PLA1A: variants seen among roughly 807,000 people sequenced by gnomAD.
PLA1A encodes phosphatidylserine-specific phospholipase A1alpha.
Under a neutral mutation model 49.4 loss-of-function variants are expected in PLA1A, and 47 were observed. That is an observed-to-expected ratio of 0.95 (90% CI 0.75 to 1.21). The LOEUF (loss-of-function observed/expected upper bound fraction) is 1.21, where lower values mean the gene tolerates loss of function less well. PLA1A is among the 50% of genes most tolerant of loss of function. The pLI is 0.00. For synonymous variants in PLA1A, 224 were observed against 207.9 expected (o/e 1.08, Z -0.67); for missense variants, 561 against 563.9 (o/e 0.99, Z 0.05).
At chr3:119,621,532 C>A (rs2082930365) in intron 8 of PLA1A, among the ~76,000 whole-genome samples, 2 of 152,258 alleles carry the variant, frequency 1.3e-5, no homozygotes, top group Non-Finnish European at 2.9e-5. Flanking sequence ...GCTTTGACTT[C>A]AGCAATGTTG....
intron 5 of PLA1A, among the ~76,000 whole-genome samples, chr3:119,614,324 T>C (rs1253582614): frequency 4.0e-5 from 6 of 151,732 alleles, no homozygotes; most frequent in Admixed American, 3.9e-4. Flanking sequence ...TGAATCCTGG[T>C]CGGGCGTGGT....
rs1307891387 is a variant in PLA1A at position 119,606,865 on chromosome 3, CTT to C, written c.167_168del (p.Phe56CysfsTer6). The stretch of plus-strand genomic sequence containing the variant: ...CCGATCTCAAAGTCCAGTTTCTCCT[CTT>C]TGTCCCTTCGAATCCTAGCTGTGGG... ...GTDLKVQFLL[F>X]VPSNPSCGQL... On this transcript the variant is annotated frameshift_variant, in exon 2 of 11. Coordinates refer to ENST00000273371, the MANE Select transcript of PLA1A (RefSeq NM_015900.4). LOFTEE classifies it high-confidence loss of function. 3 of 1,614,064 alleles carry C rather than the reference CTT, an allele frequency of 1.9e-6. No homozygotes were observed. The African/African-American group carries it at 4.0e-5, about 22-fold the overall frequency.
chr3:119,619,533 A>C, intron 7 of PLA1A, 30 bp from the exon 8 acceptor site: 1 of 1,499,462 alleles, frequency 6.7e-7, no homozygotes, highest in East Asian at 2.3e-5. Context: ...CCTTCTCAGG[A>C]CTCTGCTGTC....
chr3:119,629,698 A>T lies in PLA1A; in HGVS notation c.*230A>T. ...TGTACATACCCATTTTAGCTTTCCC[A>T]TGCATACTTAACTGCACTTGCTTTA... On this transcript the variant is annotated 3_prime_UTR_variant, in exon 11 of 11. Transcript: ENST00000273371. 4.0e-6 allele frequency: 2 copies of T among 496,646 alleles called. No individual in the cohort carries two copies. The highest frequency in any genetic ancestry group is 5.0e-4 in the Middle Eastern group (1 of 1,982). 30.8% of individuals were successfully genotyped at this position (496,646 alleles called of 1,614,324 possible). A position where few individuals can be genotyped will look rare whatever the true frequency, so the allele number is the denominator to read the frequency against.
intron 9 of PLA1A, among the ~76,000 whole-genome samples, chr3:119,626,734 C>T (rs1348543695): frequency 6.6e-6 from 1 of 152,164 alleles, no homozygotes; most frequent in African/African-American, 2.4e-5. Flanking sequence ...GAGTGCATTT[C>T]ACTCCCAAAA....
rs59447645 is a variant in PLA1A, at chr3:119,622,149, G to GGAAGAAGAA, written c.1012+2550_1012+2558dup. The stretch of plus-strand genomic sequence containing the variant: ...AAGAAGAGGAAGAGGAGGAGGAGGA[G>GGAAGAAGAA]GAAGAAGAAGAAGAAGAAGAAGAAG... On this transcript the variant is annotated intron_variant, in intron 8 of 10. Transcript: ENST00000273371. 8.4e-3 allele frequency among the ~76,000 whole-genome samples: 1,060 copies of GGAAGAAGAA among 126,230 alleles called. 7 individuals are homozygous for GGAAGAAGAA. Among genetic ancestry groups the GGAAGAAGAA allele is most frequent in the Non-Finnish European group, 9.8e-3 (625 of 63,850 alleles). 82.8% of individuals were successfully genotyped at this position (126,230 alleles called of 152,430 possible).
chr3:119,625,910 T>C (rs1054456956), intron 9 of PLA1A, among the ~76,000 whole-genome samples: 1 of 152,108 alleles, frequency 6.6e-6, no homozygotes, highest in African/African-American at 2.4e-5. Context: ...TGGTGCATGC[T>C]TCTTTAAAAA....
intron 4 of PLA1A, among the ~76,000 whole-genome samples, chr3:119,609,985 C>G (rs142107045): frequency 1.2e-3 from 177 of 152,250 alleles, no homozygotes; most frequent in African/African-American, 3.9e-3. Context: ...TTTTCCTCCC[C>G]CTTTTGAAAT....
intron 4 of PLA1A, among the ~76,000 whole-genome samples, chr3:119,612,515 G>A (rs2082779664): frequency 6.6e-6 from 1 of 151,478 alleles, no homozygotes; most frequent in Admixed American, 6.6e-5. Flanking sequence ...TTGAGATGGA[G>A]TTTCGCCCTG....
chr3:119,611,229 A>G (rs1279658418), intron 4 of PLA1A, among the ~76,000 whole-genome samples: 1 of 152,038 alleles, frequency 6.6e-6, no homozygotes, highest in East Asian at 1.9e-4. Flanking sequence ...GGCTTGTAGT[A>G]TAGTTTGAAA....
In PLA1A at chr3:119,609,513, C is replaced by G; in HGVS notation, c.499C>G (p.Leu167Val). Residue 167 changes from leucine (L) to valine (V), a missense_variant, in exon 4 of 11, where the codon CTG (leucine) becomes GTG (valine). Transcript: ENST00000273371. ...CTCAATCCACATCATTGGTGTTAGCCTGGGGGCCCACGTTGGGGGCATGGT... is the reference window on the plus strand; with the variant it reads ...CTCAATCCACATCATTGGTGTTAGCGTGGGGGCCCACGTTGGGGGCATGGT... ...ESSIHIIGVS[L>V]GAHVGGMVGQ... The G allele has an allele frequency of 1.9e-6, 3 of 1,613,502 alleles. No homozygotes were observed. The highest frequency in any genetic ancestry group is 2.5e-6 in the Non-Finnish European group (3 of 1,179,476).
At chr3:119,619,775 C>G (rs909808944) in intron 8 of PLA1A, 123 bp downstream of exon 8, 3 of 739,306 alleles carry the variant, frequency 4.1e-6, no homozygotes, top group Non-Finnish European at 7.2e-6. Flanking sequence ...GGTGTGGCAA[C>G]AGCCCCTGGT....
At chr3:119,604,056 TGTC>T (rs1435962565) in intron 1 of PLA1A, among the ~76,000 whole-genome samples, 7 of 152,260 alleles carry the variant, frequency 4.6e-5, no homozygotes, top group Non-Finnish European at 8.8e-5. Context: ...CTGGTTTTAT[TGTC>T]GTTTAGTTTT....
At chr3:119,628,977 TAGA>T in intron 10 of PLA1A, 112 bp downstream of exon 10, 1 of 901,792 alleles carries the variant, frequency 1.1e-6, no homozygotes, top group Non-Finnish European at 1.7e-6. Context: ...ATTATCATCT[TAGA>T]AGCAGAGATG....
At position 119,621,537 on chromosome 3, in the gene PLA1A, A is replaced by G. The variant is rs533736183; in HGVS notation, c.1012+1885A>G. Among the ~76,000 whole-genome samples, 7 of 152,380 alleles carry G rather than the reference A, an allele frequency of 4.6e-5. No individual in the cohort carries two copies. In the South Asian group the frequency reaches 1.4e-3, roughly 32 times the overall value. On this transcript the variant is annotated intron_variant, in intron 8 of 10. Transcript: ENST00000273371. The stretch of plus-strand genomic sequence containing the variant: ...CTCTTGGTCTGCTTTGACTTCAGCA[A>G]TGTTGACCTGTGCCAGGCATGCGCC...
intron 4 of PLA1A, among the ~76,000 whole-genome samples, chr3:119,612,527 T>A (rs1396370809): frequency 1.3e-5 from 2 of 152,158 alleles, no homozygotes; most frequent in African/African-American, 4.8e-5. Context: ...TTCGCCCTGT[T>A]GCCCAGGCTG....
chr3:119,598,729 T>A (rs376043175), intron 1 of PLA1A: 3 of 152,518 alleles, frequency 2.0e-5, no homozygotes, highest in South Asian at 4.1e-4. Flanking sequence ...GGCTCTAGAA[T>A]ATGTCATTGC....
chr3:119,599,877 A>G (rs2082594637), intron 1 of PLA1A, among the ~76,000 whole-genome samples: 2 of 152,112 alleles, frequency 1.3e-5, no homozygotes, highest in Admixed American at 1.3e-4. Flanking sequence ...AACAGCAACA[A>G]TATTTATTAA....
chr3:119,614,042 C>T (rs184347993), intron 5 of PLA1A, among the ~76,000 whole-genome samples: 2 of 152,186 alleles, frequency 1.3e-5, no homozygotes, highest in Non-Finnish European at 1.5e-5. Context: ...ACGGCAAATG[C>T]CTGTGGGGTC....
Sources: allele counts gnomAD v4.1 joint callset (sites outside exome capture counted in the v4.1 genomes callset), GRCh38; gene constraint gnomAD v4.1.1; transcripts MANE v1.5; gene names NCBI Gene and HGNC (gene_info 2026-07-23, HGNC 2026-07-21).